BAIAP2: variants seen among roughly 807,000 people sequenced by gnomAD.
BAIAP2 encodes the protein BAR/IMD domain-containing adapter protein 2.
In BAIAP2, 18 loss-of-function variants were observed where a neutral mutation model predicts 63.0. The observed-to-expected ratio is 0.29, with a 90% CI of 0.20 to 0.42. The LOEUF is 0.42. BAIAP2 is among the 10% of genes least tolerant of loss of function. BAIAP2 has a pLI of 1.00. For missense variants in BAIAP2, 610 were observed against 734.3 expected (o/e 0.83, Z 1.96); for synonymous variants, 386 against 307.6 (o/e 1.25, Z -2.67).
At chr17:81,088,921 G>A (rs2056217821) in intron 6 of BAIAP2, among the ~76,000 whole-genome samples, 1 of 152,210 alleles carries the variant, frequency 6.6e-6, no homozygotes, top group South Asian at 2.1e-4. Flanking sequence ...CTGCAGGCTG[G>A]AGCCAGAGGC....
rs1305692592 is a variant in BAIAP2, at chr17:81,035,162, C to A, written c.-93C>A. 2.8e-6 allele frequency: 3 copies of A among 1,080,988 alleles called. No individual in the cohort carries two copies. Among genetic ancestry groups the A allele is most frequent in the Non-Finnish European group, 3.8e-6 (3 of 791,868 alleles). The allele number at this position is 1,080,988 out of a possible 1,614,324, so 67.0% of individuals were successfully genotyped here. Reference sequence around the variant, plus strand: ...GGACGCCGGGCTCTGTGGTTCGGGTCCGCTTTCGTCTCCGTCCTGCTGCCG... The same window carrying A: ...GGACGCCGGGCTCTGTGGTTCGGGTACGCTTTCGTCTCCGTCCTGCTGCCG... On this transcript the variant is annotated 5_prime_UTR_variant, in exon 1 of 14. Coordinates refer to ENST00000428708, the MANE Select transcript of BAIAP2 (RefSeq NM_001144888.2).
At position 81,046,485 on chromosome 17, in the gene BAIAP2, C is replaced by A. The variant is rs934418571; in HGVS notation, c.55-7183C>A. Among the ~76,000 whole-genome samples, 3 of 152,152 alleles carry A rather than the reference C, an allele frequency of 2.0e-5. No homozygotes were observed. The highest frequency in any genetic ancestry group is 2.9e-5 in the Non-Finnish European group (2 of 68,032). On this transcript the variant is annotated intron_variant, in intron 1 of 13. Transcript: ENST00000428708. This position sits in a 1 kb window ranked among gnomAD's most constrained non-coding sequence, Gnocchi z 4.5. ...CCAGGCTTCCTTCACACCCCCACAG[C>A]CCCCACTCCTCTTGCCCTGTGAGCC...
intron 3 of BAIAP2, chr17:81,083,783 C>T (rs1032905291): frequency 1.3e-5 from 2 of 152,264 alleles, no homozygotes; most frequent in Non-Finnish European, 2.9e-5. Flanking sequence ...GATCACAGCT[C>T]CGAGGGAGCT....
intron 1 of BAIAP2, 108 bp from the exon 2 acceptor site, chr17:81,053,559 AC>A: frequency 8.6e-7 from 1 of 1,165,018 alleles, no homozygotes; most frequent in Non-Finnish European, 1.3e-6. Context: ...TGTGGTGTCG[AC>A]CCCCAGGAGG....
chr17:81,085,042 C>A, intron 4 of BAIAP2, 149 bp downstream of exon 4: 1 of 794,234 alleles, frequency 1.3e-6, no homozygotes, highest in African/African-American at 1.7e-5. Flanking sequence ...AGCACACAAG[C>A]CACACTCGAA....
rs2060523344 is a variant in BAIAP2, at chr17:81,116,207, T to TA, written c.*371dup. On this transcript the variant is annotated 3_prime_UTR_variant, in exon 14 of 14. Transcript: ENST00000428708. The stretch of plus-strand genomic sequence containing the variant: ...CTGCCCTGCTGCTTCTCCTGCCTAA[T>TA]AAACAGGCTTCTCCTGCACCAGGTG... 1 of 1,609,032 alleles carries TA rather than the reference T, an allele frequency of 6.2e-7. No individual in the cohort carries two copies. The highest frequency in any genetic ancestry group is 8.5e-7 in the Non-Finnish European group (1 of 1,177,072).
At chr17:81,064,545 C>A (rs759289136) in intron 3 of BAIAP2, among the ~76,000 whole-genome samples, 1 of 152,242 alleles carries the variant, frequency 6.6e-6, no homozygotes. Flanking sequence ...CCTTGGCCTG[C>A]GTGAGCTTTC....
chr17:81,050,814 C>T (rs975980246), intron 1 of BAIAP2, among the ~76,000 whole-genome samples: 2 of 147,076 alleles, frequency 1.4e-5, no homozygotes, highest in East Asian at 2.0e-4. Flanking sequence ...CATGAGCACA[C>T]GCACACCAGA....
At chr17:81,114,289 C>A (rs2060263429) in intron 13 of BAIAP2, among the ~76,000 whole-genome samples, 1 of 152,028 alleles carries the variant, frequency 6.6e-6, no homozygotes, top group African/African-American at 2.4e-5. Context: ...CATTTCTAAT[C>A]TCCCCAGAGC....
At chr17:81,057,038 A>C (rs1166507785) in intron 2 of BAIAP2, among the ~76,000 whole-genome samples, 1 of 152,280 alleles carries the variant, frequency 6.6e-6, no homozygotes, top group Admixed American at 6.5e-5. Flanking sequence ...TTAATTGAAA[A>C]GTATATAAAT....
chr17:81,110,917 C>T (rs762643609), intron 13 of BAIAP2: 127 of 1,613,772 alleles, frequency 7.9e-5, no homozygotes, highest in Non-Finnish European at 9.6e-5. Flanking sequence ...CTTGCAGCGC[C>T]GATGTGGAAG....
chr17:81,052,234 C>G (rs1568078465), intron 1 of BAIAP2, among the ~76,000 whole-genome samples: 1 of 152,246 alleles, frequency 6.6e-6, no homozygotes, highest in Non-Finnish European at 1.5e-5. Context: ...GCTTCCCTGC[C>G]TGCCTTCCAC....
In BAIAP2 at chr17:81,066,849, G is replaced by A. The variant is rs186611005; in HGVS notation, c.217+8882G>A. On this transcript the variant is annotated intron_variant, in intron 3 of 13. Transcript: ENST00000428708. ...CATGTGTCCCAGCCTCCTCCTGCAGGTGGAGGCCGCAGCCTCCCTTTGGGC... is the reference window on the plus strand; with the variant it reads ...CATGTGTCCCAGCCTCCTCCTGCAGATGGAGGCCGCAGCCTCCCTTTGGGC... Among the ~76,000 whole-genome samples, 696 of 152,326 alleles carry A rather than the reference G, an allele frequency of 4.6e-3. 4 individuals are homozygous for A. The highest frequency in any genetic ancestry group is 6.8e-3 in the Middle Eastern group (2 of 294).
chr17:81,077,827 G>C (rs973965151), intron 3 of BAIAP2, among the ~76,000 whole-genome samples: 3 of 151,776 alleles, frequency 2.0e-5, no homozygotes, highest in Non-Finnish European at 2.9e-5. Flanking sequence ...GCTGGGTGCT[G>C]TGGGCACAGG....
At chr17:81,079,069 G>T (rs1450335816) in intron 3 of BAIAP2, among the ~76,000 whole-genome samples, 1 of 152,196 alleles carries the variant, frequency 6.6e-6, no homozygotes, top group Admixed American at 6.5e-5. Flanking sequence ...TCAGCAGATG[G>T]AAAGGGCCCT....
intron 1 of BAIAP2, among the ~76,000 whole-genome samples, chr17:81,036,656 G>A (rs939724328): frequency 6.6e-5 from 10 of 152,226 alleles, no homozygotes; most frequent in African/African-American, 2.4e-4. Context: ...CTAAAGCCAC[G>A]TCGGAGCCAC....
In BAIAP2 at chr17:81,089,634, G is replaced by A. The variant is rs1315314710; in HGVS notation, c.489+3054G>A. Among the ~76,000 whole-genome samples, 31 of 152,184 alleles carry A rather than the reference G, an allele frequency of 2.0e-4. 1 individual carries two copies. The highest frequency in any genetic ancestry group is 2.9e-5 in the Non-Finnish European group (2 of 68,022). On this transcript the variant is annotated intron_variant, in intron 6 of 13. Coordinates refer to ENST00000428708, the MANE Select transcript of BAIAP2 (RefSeq NM_001144888.2). ...CCCCTCGTCCGCAGGAGGGCAGGCG[G>A]AGGGGGAGAGGGAGGGGGTCGTGGC... is the stretch of plus-strand genomic sequence containing the variant.
intron 1 of BAIAP2, among the ~76,000 whole-genome samples, chr17:81,047,419 C>T (rs1001745123): frequency 6.6e-6 from 1 of 152,214 alleles, no homozygotes; most frequent in African/African-American, 2.4e-5. Flanking sequence ...TCGACTCTTT[C>T]TCTGTTTGTT....
At chr17:81,108,754 A>T (rs2059494031) in intron 13 of BAIAP2, 13 of 908,862 alleles carry the variant, frequency 1.4e-5, no homozygotes, top group Non-Finnish European at 1.9e-5. Flanking sequence ...CCTGTCAGGC[A>T]AGGTTGGGGA....
Sources: allele counts gnomAD v4.1 joint callset (sites outside exome capture counted in the v4.1 genomes callset), GRCh38; gene constraint gnomAD v4.1.1; non-coding constraint Gnocchi (gnomAD v3.1); transcripts MANE v1.5; gene names NCBI Gene and HGNC (gene_info 2026-07-23, HGNC 2026-07-21).